Variants in DNAI2 observed in about 807,000 individuals in gnomAD.
The protein encoded by DNAI2 is dynein, axonemal, intermediate polypeptide 2.
Under a neutral mutation model 74.7 loss-of-function variants are expected in DNAI2, and 63 were observed. That is an observed-to-expected ratio of 0.84 (90% confidence interval 0.69 to 1.04). DNAI2 has a LOEUF of 1.04. Ranked by LOEUF, DNAI2 falls within the 50% of genes least tolerant of loss-of-function variation. The probability of loss-of-function intolerance (pLI) is 0.00; values close to 1 mark genes in which losing one functional copy is unlikely to be tolerated. For synonymous variants in DNAI2, 289 were observed against 314.9 expected, an observed-to-expected ratio of 0.92 and a Z score of 0.87; for missense variants, 688 against 803.2, an observed-to-expected ratio of 0.86 and a Z score of 1.73.
intron 4 of DNAI2, among the ~76,000 whole-genome samples, chr17:74,287,862 G>A (rs1336722693): frequency 4.6e-5 from 7 of 152,088 alleles, no homozygotes; most frequent in Non-Finnish European, 1.0e-4. Context: ...TGCTGAGGCA[G>A]GAGAATCACT....
At chr17:74,275,088 C>A (rs1344317031) in intron 1 of DNAI2, among the ~76,000 whole-genome samples, 3 of 152,192 alleles carry the variant, frequency 2.0e-5, no homozygotes, top group Non-Finnish European at 4.4e-5. Flanking sequence ...CTGGTAGGCG[C>A]TGGTATCACA....
intron 6 of DNAI2, among the ~76,000 whole-genome samples, chr17:74,296,397 G>GAA (rs2052447807): frequency 6.6e-6 from 1 of 150,850 alleles, no homozygotes; most frequent in Non-Finnish European, 1.5e-5. Flanking sequence ...GAGAGAGAGA[G>GAA]AGAAAGAAAG....
intron 6 of DNAI2, among the ~76,000 whole-genome samples, chr17:74,291,533 G>C (rs576756991): frequency 1.2e-4 from 19 of 152,160 alleles, no homozygotes; most frequent in Non-Finnish European, 2.4e-4. Context: ...GCCTGGGCTC[G>C]GCCACAGAAG....
intron 4 of DNAI2, 139 bp downstream of exon 4, chr17:74,287,237 G>A: frequency 1.5e-6 from 2 of 1,374,006 alleles, no homozygotes; most frequent in Non-Finnish European, 2.0e-6. Flanking sequence ...GTGACGTGGT[G>A]ATAAGTCACC....
chr17:74,307,349 T>G (rs1354430537), intron 9 of DNAI2: 1 of 455,178 alleles, frequency 2.2e-6, no homozygotes, highest in East Asian at 7.0e-5. Context: ...CTGCATAAGG[T>G]TAAACAAATT....
intron 9 of DNAI2, among the ~76,000 whole-genome samples, chr17:74,306,384 C>T (rs1199346561): frequency 6.6e-6 from 1 of 152,224 alleles, no homozygotes; most frequent in Non-Finnish European, 1.5e-5. Context: ...AGCCCGAATT[C>T]TAACCACCCC....
At position 74,301,041 on chromosome 17, in the gene DNAI2, A is replaced by G. The variant is rs8076337; in HGVS notation, c.865-5A>G. 0.38 allele frequency: 612,614 copies of G among 1,613,340 alleles called. 119,963 individuals are homozygous for G. The highest frequency in any genetic ancestry group is 0.41 in the Non-Finnish European group (482,580 of 1,179,608). On this transcript the variant is annotated splice_polypyrimidine_tract_variant and splice_region_variant and intron_variant, in intron 7 of 13. Coordinates refer to ENST00000311014, the MANE Select transcript of DNAI2 (RefSeq NM_023036.6). ...AAGTCTCACTGTCGCCCCTCCTCCC[A>G]CCAGGTCATGTGGTGGGACATCCGA... is the stretch of plus-strand genomic sequence containing the variant.
At chr17:74,305,569 C>A in intron 9 of DNAI2, 127 bp downstream of exon 9, 1 of 791,924 alleles carries the variant, frequency 1.3e-6, no homozygotes, top group Non-Finnish European at 2.0e-6. Context: ...CACAAACACC[C>A]GAGCTCGTGT....
At position 74,286,986 on chromosome 17, in the gene DNAI2, C is replaced by T; in HGVS notation, c.355C>T (p.His119Tyr). 1 of 1,613,818 alleles carries T rather than the reference C, an allele frequency of 6.2e-7. No homozygotes were observed. The highest frequency in any genetic ancestry group is 8.5e-7 in the Non-Finnish European group (1 of 1,179,828). Residue 119 changes from histidine (H) to tyrosine (Y), a missense_variant, in exon 4 of 14, where the codon CAC becomes TAC. Coordinates refer to ENST00000311014, the MANE Select transcript of DNAI2 (RefSeq NM_023036.6). ...AATGTGTCCCCCCTAGATCATGGAGCACTGCATCAAGCAGAACAATGCCAT... is the reference window on the plus strand; with the variant it reads ...AATGTGTCCCCCCTAGATCATGGAGTACTGCATCAAGCAGAACAATGCCAT... ...AIMQLGSIME[H>Y]CIKQNNAIDI...
At chr17:74,309,825 C>T (rs1029564355) in intron 10 of DNAI2, 192 bp from the exon 11 acceptor site, 5 of 717,016 alleles carry the variant, frequency 7.0e-6, no homozygotes, top group Middle Eastern at 3.7e-4. Context: ...AGGGGTGGGG[C>T]GGGAGATGAG....
chr17:74,304,453 G>T (rs1204264302), intron 8 of DNAI2, among the ~76,000 whole-genome samples: 1 of 151,970 alleles, frequency 6.6e-6, no homozygotes, highest in South Asian at 2.1e-4. Context: ...TGCTGGTGGA[G>T]GTTGTTCAGT....
chr17:74,282,114 G>C, intron 2 of DNAI2, 114 bp downstream of exon 2: 1 of 1,248,046 alleles, frequency 8.0e-7, no homozygotes, highest in Non-Finnish European at 1.1e-6. Flanking sequence ...AGTTAGAGTA[G>C]ACCAAATGCA....
chr17:74,291,276 TCAG>T, intron 6 of DNAI2, 143 bp downstream of exon 6: 1 of 667,030 alleles, frequency 1.5e-6, no homozygotes. Context: ...TTCTCCTGCC[TCAG>T]CCTCCCGAGT....
chr17:74,309,635 A>G, intron 10 of DNAI2: 1 of 703,048 alleles, frequency 1.4e-6, no homozygotes. Flanking sequence ...AAATTTAAAA[A>G]GAAACAAAAG....
intron 1 of DNAI2, among the ~76,000 whole-genome samples, chr17:74,275,584 G>A (rs958135799): frequency 1.3e-5 from 2 of 152,106 alleles, no homozygotes; most frequent in Middle Eastern, 3.2e-3. Flanking sequence ...AATTCTGGCC[G>A]GGTGCAGTGG....
At chr17:74,305,188 G>A in intron 8 of DNAI2, 31 bp from the exon 9 acceptor site, 2 of 1,610,906 alleles carry the variant, frequency 1.2e-6, no homozygotes, top group Non-Finnish European at 1.7e-6. Context: ...GGTTCGTGGA[G>A]TCTTCCCCTC....
intron 2 of DNAI2, among the ~76,000 whole-genome samples, chr17:74,283,424 T>C (rs1408205893): frequency 1.3e-5 from 2 of 151,846 alleles, no homozygotes; most frequent in South Asian, 2.1e-4. Flanking sequence ...CTGGGCAACA[T>C]AGTGAGACTT....
chr17:74,275,567 A>C (rs1013535499), intron 1 of DNAI2, among the ~76,000 whole-genome samples: 3 of 152,162 alleles, frequency 2.0e-5, no homozygotes, highest in Non-Finnish European at 2.9e-5. Context: ...TTTACTAAAA[A>C]TACAAAAATT....
At position 74,281,957 on chromosome 17, in the gene DNAI2, T is replaced by G; in HGVS notation, c.140T>G (p.Val47Gly). The G allele has an allele frequency of 1.2e-6, 2 of 1,614,118 alleles. No individual in the cohort carries two copies. Among genetic ancestry groups the G allele is most frequent in the Non-Finnish European group, 1.7e-6 (2 of 1,180,012 alleles). The change falls in exon 2 of 14, where the codon GTG becomes GGG. Residue 47 changes from valine (V) to glycine (G), a missense_variant. By Grantham distance (109) the Val-to-Gly change is moderately radical. Coordinates refer to ENST00000311014, the MANE Select transcript of DNAI2 (RefSeq NM_023036.6). ...LAEQFVERNP[V>G]DTGIQCSISM... ...GAGCAGTTCGTGGAGCGGAACCCAG[T>G]GGACACGGGCATCCAGTGCTCGATC...
Sources: allele counts gnomAD v4.1 joint callset (sites outside exome capture counted in the v4.1 genomes callset), GRCh38; gene constraint gnomAD v4.1.1; transcripts MANE v1.5; gene names NCBI Gene and HGNC (gene_info 2026-07-23, HGNC 2026-07-21).